G3BP2: variants seen among roughly 807,000 people sequenced by gnomAD.
G3BP2 encodes the protein G3BP stress granule assembly factor 2, also known as ras GTPase-activating protein-binding protein 2.
In G3BP2, 11 loss-of-function variants were observed where a neutral mutation model predicts 56.7. The observed-to-expected ratio is 0.19, with a 90% CI of 0.12 to 0.32. The LOEUF is 0.32. G3BP2 is among the 10% of genes least tolerant of loss of function. The pLI, the probability that G3BP2 is intolerant of heterozygous loss-of-function variation, is 1.00. For synonymous variants in G3BP2, 165 were observed against 191.6 expected (o/e 0.86, Z 1.15); for missense variants, 340 against 610.9 (o/e 0.56, Z 4.67).
chr4:75,681,593 T>C (rs2149067377), intron 3 of G3BP2, among the ~76,000 whole-genome samples: 1 of 152,142 alleles, frequency 6.6e-6, no homozygotes. Flanking sequence ...CTCACCCCTG[T>C]AATCCTAGCA....
chr4:75,706,509 G>A (rs1195918709), intron 3 of G3BP2, among the ~76,000 whole-genome samples: 1 of 151,580 alleles, frequency 6.6e-6, no homozygotes, highest in African/African-American at 2.4e-5. Flanking sequence ...GAAACCCCAT[G>A]TCTACTAAAA....
chr4:75,680,070 C>T (rs947508215), intron 3 of G3BP2, among the ~76,000 whole-genome samples: 6 of 152,162 alleles, frequency 3.9e-5, no homozygotes, highest in East Asian at 1.9e-4. Context: ...TCAAGCCTTA[C>T]AGTCTGGATA....
At chr4:75,646,148 C>A (rs568888517) in intron 11 of G3BP2, among the ~76,000 whole-genome samples, 190 bp downstream of exon 11, 1 of 152,190 alleles carries the variant, frequency 6.6e-6, no homozygotes, top group African/African-American at 2.4e-5. Context: ...TTCCCACCTT[C>A]TTCAGCAAAG....
chr4:75,698,984 C>G (rs899572686), intron 3 of G3BP2, among the ~76,000 whole-genome samples: 2 of 152,160 alleles, frequency 1.3e-5, no homozygotes, highest in Non-Finnish European at 2.9e-5. Flanking sequence ...CATCCTGCAA[C>G]TGGCCCAGAA....
chr4:75,718,747 C>G (rs1228133776), intron 3 of G3BP2, among the ~76,000 whole-genome samples: 3 of 152,156 alleles, frequency 2.0e-5, no homozygotes, highest in Non-Finnish European at 4.4e-5. Flanking sequence ...GCGACCCTAT[C>G]AGGTAAAATG....
intron 3 of G3BP2, among the ~76,000 whole-genome samples, chr4:75,658,527 T>G (rs1388594466): frequency 6.6e-6 from 1 of 151,560 alleles, no homozygotes; most frequent in African/African-American, 2.4e-5. Flanking sequence ...GGTTGGGAGT[T>G]CGAGACCAGC....
intron 3 of G3BP2, among the ~76,000 whole-genome samples, chr4:75,696,541 A>T (rs1411370512): frequency 6.6e-6 from 1 of 152,154 alleles, no homozygotes; most frequent in Non-Finnish European, 1.5e-5. Context: ...GAGAGTGTGG[A>T]AGGGTCACTG....
intron 3 of G3BP2, among the ~76,000 whole-genome samples, chr4:75,684,282 G>A (rs1718474100): frequency 6.6e-6 from 1 of 152,046 alleles, no homozygotes; most frequent in Non-Finnish European, 1.5e-5. Context: ...GCATGTGCCT[G>A]TAGTCCCAGC....
rs117367771 is a variant in G3BP2 at position 75,705,846 on chromosome 4, T to C, written c.-25+15031A>G. On this transcript the variant is annotated intron_variant, in intron 3 of 3. Transcript: ENST00000499709. ...CTATAGACCAGCAAATGCCATAAAA[T>C]TTTACTGCCCTTAAAACTCATGGAT... Among the ~76,000 whole-genome samples, 108 of 152,254 alleles carry C rather than the reference T, an allele frequency of 7.1e-4. No homozygotes were observed. In the East Asian group the frequency reaches 0.019, roughly 27 times the overall value.
At chr4:75,676,336 A>ATTTTTTTT (rs34017434), upstream of G3BP2, among the ~76,000 whole-genome samples, 6 of 92,078 alleles carry the variant, frequency 6.5e-5, no homozygotes, top group Non-Finnish European at 1.0e-4. Context: ...ATTGCCAATA[A>ATTTTTTTT]TTTTTTTTTT....
intron 3 of G3BP2, among the ~76,000 whole-genome samples, chr4:75,689,493 T>C (rs1560414676): frequency 6.6e-6 from 1 of 152,260 alleles, no homozygotes; most frequent in African/African-American, 2.4e-5. Context: ...TTGTGATTCT[T>C]AGTAAATCAT....
intron 3 of G3BP2, among the ~76,000 whole-genome samples, chr4:75,686,280 T>G (rs886204895): frequency 3.9e-5 from 6 of 152,138 alleles, no homozygotes; most frequent in Non-Finnish European, 8.8e-5. Flanking sequence ...ATATTAATCA[T>G]TTGCTTTCAA....
At chr4:75,664,461 AG>A (rs552366383) in intron 1 of G3BP2, among the ~76,000 whole-genome samples, 76 of 152,014 alleles carry the variant, frequency 5.0e-4, no homozygotes, top group African/African-American at 1.8e-3. Context: ...CTGTAGTCCC[AG>A]CTACTTGGGA....
chr4:75,717,748 G>A (rs183174862), intron 3 of G3BP2, among the ~76,000 whole-genome samples: 1 of 152,260 alleles, frequency 6.6e-6, no homozygotes, highest in Non-Finnish European at 1.5e-5. Context: ...AGGTGTTGGG[G>A]GAGAGACAAT....
intron 3 of G3BP2, among the ~76,000 whole-genome samples, chr4:75,710,264 C>A (rs981406145): frequency 1.3e-5 from 2 of 151,980 alleles, no homozygotes; most frequent in Admixed American, 6.5e-5. Flanking sequence ...ACCCAGCCTG[C>A]TTCTCGAGTT....
chr4:75,717,722 T>C (rs1179915499), intron 3 of G3BP2, among the ~76,000 whole-genome samples: 1 of 152,146 alleles, frequency 6.6e-6, no homozygotes, highest in African/African-American at 2.4e-5. Flanking sequence ...CAGGACATAC[T>C]TGTTCAGCTG....
intron 9 of G3BP2, among the ~76,000 whole-genome samples, chr4:75,648,044 T>C (rs1453331455): frequency 1.3e-5 from 2 of 152,106 alleles, no homozygotes; most frequent in African/African-American, 2.4e-5. Context: ...CAGCTTGGTT[T>C]TGAACTCTTA....
At chr4:75,683,283 C>G (rs1006534955) in intron 3 of G3BP2, among the ~76,000 whole-genome samples, 2 of 151,846 alleles carry the variant, frequency 1.3e-5, no homozygotes, top group African/African-American at 4.8e-5. Flanking sequence ...AGATGTAGGC[C>G]GAGCACGGTA....
chr4:75,715,337 T>C (rs1719892757), intron 3 of G3BP2, among the ~76,000 whole-genome samples: 1 of 152,200 alleles, frequency 6.6e-6, no homozygotes, highest in East Asian at 1.9e-4. Context: ...TGCAATACTC[T>C]AGCTGCTGCA....
Sources: allele counts gnomAD v4.1 joint callset (sites outside exome capture counted in the v4.1 genomes callset), GRCh38; gene constraint gnomAD v4.1.1; transcripts MANE v1.5; gene names NCBI Gene and HGNC (gene_info 2026-07-23, HGNC 2026-07-21).